The following MCF2L variants were observed in gnomAD, a reference collection of about 807,000 sequenced individuals.
The protein encoded by MCF2L is MCF.2 cell line derived transforming sequence like.
MCF2L carries 97 observed loss-of-function variants against 153.4 expected under a neutral mutation model. That is an observed-to-expected ratio of 0.63 (90% CI 0.54 to 0.75). The LOEUF is 0.75. MCF2L is among the 30% of genes least tolerant of loss of function. The pLI is 0.00. For missense variants in MCF2L, 1,347 were observed against 1,495.2 expected, an observed-to-expected ratio of 0.90 and a Z score of 1.64; for synonymous variants, 659 against 632.2, an observed-to-expected ratio of 1.04 and a Z score of -0.64.
At chr13:113,062,305 G>A (rs1201803184) in intron 5 of MCF2L, among the ~76,000 whole-genome samples, 2 of 152,114 alleles carry the variant, frequency 1.3e-5, no homozygotes, top group South Asian at 2.1e-4. Context: ...TCGTGATGGC[G>A]TGTGCAGCTC....
At position 113,086,269 on chromosome 13, in the gene MCF2L, G is replaced by A. The variant is rs191023429; in HGVS notation, c.2373+20G>A. On this transcript the variant is annotated intron_variant, in intron 21 of 29. Transcript: ENST00000535094. ...TATGACGTAAGGCGCCCAGATGCCCGGTCTTCCCCGCCGCCTCCGTGGAAT... is the reference window on the plus strand; with the variant it reads ...TATGACGTAAGGCGCCCAGATGCCCAGTCTTCCCCGCCGCCTCCGTGGAAT... 2.9e-5 allele frequency: 46 copies of A among 1,606,370 alleles called. No homozygotes were observed. The highest frequency in any genetic ancestry group is 4.0e-5 in the African/African-American group (3 of 74,510).
At chr13:113,011,643 G>T in intron 1 of MCF2L, among the ~76,000 whole-genome samples, 2 of 106,346 alleles carry the variant, frequency 1.9e-5, no homozygotes, top group Admixed American at 9.4e-5. Context: ...ACGGTGGACA[G>T]GCAGTGTGGA....
chr13:113,084,701 C>T (rs2034465612), intron 18 of MCF2L, 191 bp from the exon 19 acceptor site: 4 of 597,734 alleles, frequency 6.7e-6, no homozygotes, highest in Non-Finnish European at 1.2e-5. Flanking sequence ...GAGGGCAGGC[C>T]CCCCAGCGGA....
At chr13:112,986,873 T>C (rs2082666779) in intron 1 of MCF2L, among the ~76,000 whole-genome samples, 3 of 152,252 alleles carry the variant, frequency 2.0e-5, no homozygotes, top group Non-Finnish European at 1.5e-5. Flanking sequence ...TCTAGGGTTC[T>C]CTCAGGACTG....
At position 113,078,400 on chromosome 13, in the gene MCF2L, C is replaced by T. The variant is rs765058697; in HGVS notation, c.1698C>T (p.Gly566=). Residue 566 remains glycine, a synonymous_variant, in exon 14 of 30, where the codon GGC becomes GGT. Coordinates refer to ENST00000535094, the MANE Select transcript of MCF2L (RefSeq NM_001112732.3). ...RRGSENSSSE[G]GALRRGPYRR... ...GCTCTGAGAACTCCAGCTCCGAGGG[C>T]GGTGCGCTCCGGAGAGGGCCCTACC... is the stretch of plus-strand genomic sequence containing the variant. 97 of 1,612,812 alleles carry T rather than the reference C, an allele frequency of 6.0e-5. No individual in the cohort carries two copies. The East Asian group carries it at 7.1e-4, about 12-fold the overall frequency.
chr13:113,038,567 C>A (rs2086288949), intron 3 of MCF2L, among the ~76,000 whole-genome samples: 1 of 151,888 alleles, frequency 6.6e-6, no homozygotes, highest in African/African-American at 2.4e-5. Context: ...AATGTTAATT[C>A]TCTCTAAATA....
At chr13:112,934,853 G>A (rs2081499838) in intron 2 of MCF2L, among the ~76,000 whole-genome samples, 5 of 152,144 alleles carry the variant, frequency 3.3e-5, no homozygotes, top group Admixed American at 6.5e-5. Flanking sequence ...GGGCGCCCCC[G>A]CCACTCCCTG....
intron 1 of MCF2L, among the ~76,000 whole-genome samples, chr13:113,002,519 CTGGCCAAGCCTG>C (rs1244607278): frequency 6.6e-6 from 1 of 152,206 alleles, no homozygotes; most frequent in African/African-American, 2.4e-5. Flanking sequence ...TGGGAGGCCC[CTGGCCAAGCCTG>C]TGGACCCGGC....
chr13:113,006,201 C>T (rs1238645391), intron 1 of MCF2L, among the ~76,000 whole-genome samples: 5 of 152,222 alleles, frequency 3.3e-5, no homozygotes, highest in Non-Finnish European at 5.9e-5. Context: ...TCCATAGCCT[C>T]GCTGTTGAGC....
chr13:113,027,399 G>A lies in MCF2L; in HGVS notation c.278+2641G>A, dbSNP rs553645838. ...AGCTGGAGGAGCAGGGAGCCTCACC[G>A]GTGGGCCTTTCGGGGGCAGGACGTC... On this transcript the variant is annotated intron_variant, in intron 3 of 29. Transcript: ENST00000535094. This position sits in a 1 kb window ranked among gnomAD's most constrained non-coding sequence, Gnocchi z 4.8. Among the ~76,000 whole-genome samples the A allele has an allele frequency of 6.6e-6, 1 of 152,228 alleles. No individual in the cohort carries two copies. The highest frequency in any genetic ancestry group is 1.9e-4 in the East Asian group (1 of 5,158).
intron 26 of MCF2L, chr13:113,090,266 G>A: frequency 7.4e-7 from 1 of 1,342,964 alleles, no homozygotes; most frequent in Non-Finnish European, 9.8e-7. Flanking sequence ...CCACGCAAAA[G>A]CGTTTCTTTC....
chr13:112,968,233 G>C (rs545712960), upstream of MCF2L, among the ~76,000 whole-genome samples: 1 of 151,190 alleles, frequency 6.6e-6, no homozygotes, highest in Non-Finnish European at 1.5e-5. Flanking sequence ...CTCGGCCTCC[G>C]GAGTAGCTGG....
At chr13:112,970,233 A>G (rs2081992047) in intron 1 of MCF2L, among the ~76,000 whole-genome samples, 1 of 152,196 alleles carries the variant, frequency 6.6e-6, no homozygotes, top group Non-Finnish European at 1.5e-5. Context: ...TGATGTTGCC[A>G]TATGTTATGT....
At chr13:113,017,912 G>A (rs900178540) in intron 2 of MCF2L, among the ~76,000 whole-genome samples, 6 of 152,224 alleles carry the variant, frequency 3.9e-5, no homozygotes, top group Non-Finnish European at 7.3e-5. Flanking sequence ...AGGAAGGAAT[G>A]GCTCCGAATT....
intron 23 of MCF2L, 67 bp downstream of exon 23, chr13:113,087,866 G>A (rs2034787501): frequency 7.5e-7 from 1 of 1,337,596 alleles, no homozygotes; most frequent in Admixed American, 1.7e-5. Flanking sequence ...GGGAACCAGT[G>A]CAAGGATCTG....
chr13:113,055,858 AG>A (rs1384869708), intron 4 of MCF2L, among the ~76,000 whole-genome samples: 1 of 152,042 alleles, frequency 6.6e-6, no homozygotes, highest in African/African-American at 2.4e-5. Context: ...TGGGGCAGAG[AG>A]GGCGCAGATG....
chr13:112,957,393 T>C (rs920121549), intron 2 of MCF2L: 3 of 152,252 alleles, frequency 2.0e-5, no homozygotes, highest in Non-Finnish European at 4.4e-5. Context: ...TTTGGACTTT[T>C]TGGCCCACTT....
chr13:112,954,241 G>A (rs1000715136), intron 2 of MCF2L, among the ~76,000 whole-genome samples: 1 of 152,104 alleles, frequency 6.6e-6, no homozygotes, highest in Non-Finnish European at 1.5e-5. Context: ...GAGAAAGTGT[G>A]CCCAGCTCTG....
In MCF2L at chr13:112,904,934, C is replaced by A. The variant is rs1046826713; in HGVS notation, c.169+2563C>A. 3.3e-5 allele frequency among the ~76,000 whole-genome samples: 5 copies of A among 152,100 alleles called. No individual in the cohort carries two copies. Among genetic ancestry groups the A allele is most frequent in the Non-Finnish European group, 5.9e-5 (4 of 68,032 alleles). ...GTTTTTTTTGTCATAAAATAGACACCCATGAAATGTACCATTTTAACTACT... is the reference window on the plus strand; with the variant it reads ...GTTTTTTTTGTCATAAAATAGACACACATGAAATGTACCATTTTAACTACT... On this transcript the variant is annotated intron_variant, in intron 2 of 29. Transcript: ENST00000375608. This position sits in a 1 kb window ranked among gnomAD's most constrained non-coding sequence, Gnocchi z 4.2.
Sources: allele counts gnomAD v4.1 joint callset (sites outside exome capture counted in the v4.1 genomes callset), GRCh38; gene constraint gnomAD v4.1.1; non-coding constraint Gnocchi (gnomAD v3.1); transcripts MANE v1.5; gene names NCBI Gene and HGNC (gene_info 2026-07-23, HGNC 2026-07-21).